The following SHROOM3 variants were observed in gnomAD, a reference collection of about 807,000 sequenced individuals.
SHROOM3 encodes shroom family member 3, also known as protein Shroom3.
In SHROOM3, 47 loss-of-function variants were observed where a neutral mutation model predicts 138.6. The ratio of observed to expected loss-of-function variants is 0.34; its 90% CI spans 0.27 to 0.43. The LOEUF (loss-of-function observed/expected upper bound fraction) is 0.43. Ranked by LOEUF, SHROOM3 falls within the 20% of genes least tolerant of loss-of-function variation. The probability of loss-of-function intolerance (pLI) is 1.00; values close to 1 mark genes in which losing one functional copy is unlikely to be tolerated. For missense variants in SHROOM3, 2,491 were observed against 2,596.5 expected (o/e 0.96, Z 0.88); for synonymous variants, 1,062 against 1,063.3 (o/e 1.00, Z 0.02).
At chr4:76,696,172 G>A (rs1719717937) in intron 2 of SHROOM3, among the ~76,000 whole-genome samples, 1 of 152,210 alleles carries the variant, frequency 6.6e-6, no homozygotes, top group Admixed American at 6.5e-5. Flanking sequence ...CTTGTGCCAG[G>A]CTGCTTTGCT....
chr4:76,535,192 C>T (rs1732925822), intron 1 of SHROOM3, among the ~76,000 whole-genome samples: 1 of 152,114 alleles, frequency 6.6e-6, no homozygotes, highest in Admixed American at 6.5e-5. Flanking sequence ...CCATTAACTA[C>T]ATGTTTTGTA....
At chr4:76,615,376 G>A (rs1734851103) in intron 2 of SHROOM3, among the ~76,000 whole-genome samples, 2 of 152,176 alleles carry the variant, frequency 1.3e-5, no homozygotes, top group South Asian at 4.1e-4. Flanking sequence ...AGGAACACTG[G>A]AGAATTTCAG....
chr4:76,514,229 T>C (rs1054231743), intron 1 of SHROOM3, among the ~76,000 whole-genome samples: 2 of 152,210 alleles, frequency 1.3e-5, no homozygotes, highest in Non-Finnish European at 1.5e-5. Flanking sequence ...TTATTCATGA[T>C]AGCCAAAAAG....
At chr4:76,637,111 G>A (rs1378177768) in intron 2 of SHROOM3, among the ~76,000 whole-genome samples, 1 of 152,134 alleles carries the variant, frequency 6.6e-6, no homozygotes, top group Admixed American at 6.5e-5. Context: ...ATTAACTGAG[G>A]ACTTACTGTA....
At chr4:76,574,889 G>A (rs1253766485) in intron 2 of SHROOM3, among the ~76,000 whole-genome samples, 1 of 152,054 alleles carries the variant, frequency 6.6e-6, no homozygotes, top group Non-Finnish European at 1.5e-5. Context: ...AAAGAGTTCT[G>A]GACATTGGAT....
In SHROOM3 at chr4:76,676,987, T is replaced by G. The variant is rs552909505; in HGVS notation, c.324-33169T>G. ...AAAAAAGGAAAAGGAAAAAGAAAAT[T>G]TCTGACCGTTATAGCTTAGCCAGTT... On this transcript the variant is annotated intron_variant, in intron 2 of 10. Coordinates refer to ENST00000296043, the MANE Select transcript of SHROOM3 (RefSeq NM_020859.4). Among the ~76,000 whole-genome samples, 3 of 150,726 alleles carry G rather than the reference T, an allele frequency of 2.0e-5. No homozygotes were observed. The South Asian group carries it at 6.3e-4, about 32-fold the overall frequency.
intron 4 of SHROOM3, 53 bp downstream of exon 4, chr4:76,730,988 C>A: frequency 6.2e-7 from 1 of 1,607,942 alleles, no homozygotes; most frequent in South Asian, 1.1e-5. Flanking sequence ...ATGTCATGTT[C>A]CCAGAAAAGA....
chr4:76,733,640 G>C (rs1197480178), intron 4 of SHROOM3, among the ~76,000 whole-genome samples: 1 of 152,274 alleles, frequency 6.6e-6, no homozygotes, highest in Non-Finnish European at 1.5e-5. Context: ...GGTGCCCCAG[G>C]TGTGTTTCTG....
At chr4:76,472,065 A>C (rs1424638237) in intron 1 of SHROOM3, among the ~76,000 whole-genome samples, 2 of 151,278 alleles carry the variant, frequency 1.3e-5, no homozygotes, top group Non-Finnish European at 2.9e-5. Flanking sequence ...AGATGGACTG[A>C]TATAATGCCT....
intron 2 of SHROOM3, among the ~76,000 whole-genome samples, chr4:76,602,356 T>G (rs1734523662): frequency 6.6e-6 from 1 of 152,178 alleles, no homozygotes; most frequent in Admixed American, 6.5e-5. Flanking sequence ...TCCTAGATTT[T>G]ATGTATTTAT....
At chr4:76,596,381 C>T (rs867731619) in intron 2 of SHROOM3, among the ~76,000 whole-genome samples, 1 of 152,142 alleles carries the variant, frequency 6.6e-6, no homozygotes, top group Non-Finnish European at 1.5e-5. Flanking sequence ...CACCGTACTC[C>T]AGCCTGGGCA....
In SHROOM3 at chr4:76,741,345, C is replaced by T. The variant is rs748379172; in HGVS notation, c.3172C>T (p.Arg1058Cys). 1.2e-6 allele frequency: 2 copies of T among 1,610,082 alleles called. No individual in the cohort carries two copies. The highest frequency in any genetic ancestry group is 1.3e-5 in the African/African-American group (1 of 74,906). The change falls in exon 5 of 11, where the codon CGC (arginine) becomes TGC (cysteine). Residue 1058 changes from arginine (R) to cysteine (C), a missense_variant. This residue lies in a region of SHROOM3 where 1,733 missense variants were observed against 1,661.6 expected (regional missense o/e 1.04). Coordinates refer to ENST00000296043, the MANE Select transcript of SHROOM3 (RefSeq NM_020859.4). This position sits in a 1 kb window ranked among gnomAD's most constrained non-coding sequence, Gnocchi z 6.2. ...RFPESSVADRRRLFERDGKAC... is the reference protein window; with the variant it reads ...RFPESSVADRCRLFERDGKAC... Reference sequence around the variant, plus strand: ...CCCGGAGAGCAGCGTGGCCGACCGGCGCCGTCTCTTCGAGCGCGATGGCAA... The same window carrying T: ...CCCGGAGAGCAGCGTGGCCGACCGGTGCCGTCTCTTCGAGCGCGATGGCAA...
At chr4:76,628,886 C>A (rs932563310) in intron 2 of SHROOM3, 20 of 151,844 alleles carry the variant, frequency 1.3e-4, no homozygotes, top group African/African-American at 4.8e-4. Flanking sequence ...TGTCACCCAG[C>A]CTGGAATGCA....
chr4:76,770,519 T>C, intron 9 of SHROOM3, 107 bp from the exon 10 acceptor site: 1 of 1,317,582 alleles, frequency 7.6e-7, no homozygotes, highest in Non-Finnish European at 1.1e-6. Context: ...AGGGGGAGGA[T>C]ATTCAGCTGA....
chr4:76,649,178 C>A (rs1413824138), intron 2 of SHROOM3, among the ~76,000 whole-genome samples: 2 of 152,116 alleles, frequency 1.3e-5, no homozygotes, highest in African/African-American at 2.4e-5. Context: ...CTCAGAGACC[C>A]ACATTGACTT....
At chr4:76,497,317 T>C (rs1446659192) in intron 1 of SHROOM3, among the ~76,000 whole-genome samples, 2 of 152,236 alleles carry the variant, frequency 1.3e-5, no homozygotes, top group East Asian at 1.9e-4. Context: ...TTTCCTTGTG[T>C]TTCAGTAATC....
chr4:76,774,728 T>G (rs1273695803), intron 10 of SHROOM3, among the ~76,000 whole-genome samples: 2 of 151,016 alleles, frequency 1.3e-5, no homozygotes, highest in Admixed American at 6.6e-5. Context: ...TTGTTTTTTT[T>G]TTTTTTAAGG....
intron 1 of SHROOM3, among the ~76,000 whole-genome samples, chr4:76,482,877 C>A (rs1163444574): frequency 2.0e-5 from 3 of 152,210 alleles, no homozygotes; most frequent in African/African-American, 7.2e-5. Flanking sequence ...TTTGACAAAC[C>A]TGACAAAAAC....
intron 2 of SHROOM3, among the ~76,000 whole-genome samples, chr4:76,706,995 G>A (rs1448331244): frequency 1.3e-5 from 2 of 152,216 alleles, no homozygotes; most frequent in East Asian, 3.8e-4. Flanking sequence ...GGATCTAGAA[G>A]TAGCCCAATA....
Sources: gnomAD v4.1 joint callset for allele counts (sites outside exome capture counted in the v4.1 genomes callset) on GRCh38, gnomAD v4.1.1 for gene constraint, gnomAD v4.1.1 regional missense constraint, Gnocchi (gnomAD v3.1) non-coding constraint, MANE v1.5 for transcripts, NCBI Gene and HGNC (gene_info 2026-07-23, HGNC 2026-07-21) for gene names.